Variants in SLC25A26 observed in about 807,000 individuals in gnomAD.
The protein encoded by SLC25A26 is solute carrier family 25 member 26.
A neutral mutation model predicts 37.8 loss-of-function variants in SLC25A26; 36 were observed. That is an observed-to-expected ratio of 0.95 (90% CI 0.73 to 1.26). SLC25A26 has a LOEUF of 1.26. Ranked by LOEUF, SLC25A26 falls within the 50% of genes most tolerant of loss-of-function variation. The pLI, the probability that SLC25A26 is intolerant of heterozygous loss-of-function variation, is 0.00. For missense variants in SLC25A26, 390 were observed against 331.1 expected (o/e 1.18, Z -1.38); for synonymous variants, 129 against 122.5 (o/e 1.05, Z -0.35).
At chr3:66,300,266 T>TTTTG (rs2075039112) in intron 5 of SLC25A26, among the ~76,000 whole-genome samples, 1 of 150,368 alleles carries the variant, frequency 6.7e-6, no homozygotes, top group Non-Finnish European at 1.5e-5. Flanking sequence ...GTTTTTTTTT[T>TTTTG]TTTTTTTGGT....
chr3:66,252,296 C>G (rs1346284073), intron 3 of SLC25A26, among the ~76,000 whole-genome samples: 1 of 152,178 alleles, frequency 6.6e-6, no homozygotes, highest in African/African-American at 2.4e-5. Context: ...AGTTGTATAG[C>G]TAATACTATT....
chr3:66,175,138 TATACACACAC>T (rs1161857528), intron 1 of SLC25A26, among the ~76,000 whole-genome samples: 15 of 64,274 alleles, frequency 2.3e-4, no homozygotes, highest in Non-Finnish European at 3.9e-4. Context: ...TATATATATA[TATACACACAC>T]ACACACACAC....
At chr3:66,143,847 C>G (rs1442856042) in intron 1 of SLC25A26, among the ~76,000 whole-genome samples, 1 of 152,154 alleles carries the variant, frequency 6.6e-6, no homozygotes, top group Non-Finnish European at 1.5e-5. Context: ...TGCCAGTGCA[C>G]TCCAGCCTGG....
At chr3:66,339,574 A>G (rs368577718) in intron 5 of SLC25A26, among the ~76,000 whole-genome samples, 41 of 151,316 alleles carry the variant, frequency 2.7e-4, no homozygotes, top group African/African-American at 9.6e-4. Context: ...TAGCCCTCCT[A>G]AAGGGTGGGA....
intron 1 of SLC25A26, among the ~76,000 whole-genome samples, chr3:66,234,435 C>T (rs1373531860): frequency 1.3e-5 from 2 of 152,172 alleles, no homozygotes; most frequent in Non-Finnish European, 2.9e-5. Flanking sequence ...CTTGGTTTCT[C>T]TACTGGCACA....
chr3:66,318,481 C>A (rs1397719379), intron 5 of SLC25A26, among the ~76,000 whole-genome samples: 1 of 152,008 alleles, frequency 6.6e-6, no homozygotes, highest in Non-Finnish European at 1.5e-5. Flanking sequence ...GCCTGCCTTT[C>A]CTTGCTCTCC....
chr3:66,205,946 GA>G (rs1224521716), intron 1 of SLC25A26, among the ~76,000 whole-genome samples: 2 of 152,146 alleles, frequency 1.3e-5, no homozygotes, highest in Non-Finnish European at 2.9e-5. Flanking sequence ...CAGAAAAAGG[GA>G]AAAAATTGAT....
intron 5 of SLC25A26, among the ~76,000 whole-genome samples, chr3:66,301,773 A>G (rs549341698): frequency 6.6e-6 from 1 of 152,332 alleles, no homozygotes; most frequent in East Asian, 1.9e-4. Flanking sequence ...CTACAGATAC[A>G]AGCATTAGAA....
At chr3:66,329,253 TTC>T (rs1372681430) in intron 5 of SLC25A26, among the ~76,000 whole-genome samples, 1 of 152,216 alleles carries the variant, frequency 6.6e-6, no homozygotes, top group Non-Finnish European at 1.5e-5. Context: ...TAATTTTTAT[TTC>T]TCTCCTCTTG....
At chr3:66,337,374 A>AT (rs2076113717) in intron 5 of SLC25A26, among the ~76,000 whole-genome samples, 1 of 152,142 alleles carries the variant, frequency 6.6e-6, no homozygotes, top group African/African-American at 2.4e-5. Context: ...TGTCCTACAC[A>AT]TTAGAAATGA....
At chr3:66,276,389 A>C (rs926556506) in intron 5 of SLC25A26, among the ~76,000 whole-genome samples, 14 of 152,232 alleles carry the variant, frequency 9.2e-5, no homozygotes, top group Admixed American at 8.5e-4. Flanking sequence ...AGAATTTTTC[A>C]GTAAATCCTA....
Position 66,166,707 on chromosome 3 carries a change from G to A in SLC25A26, c.-354+32723G>A, listed in dbSNP as rs138982990. On this transcript the variant is annotated intron_variant, in intron 1 of 10. Transcript: ENST00000676754. ...AGCACTCCCTTTTCCATTGCTGAGT[G>A]AGTACCCCCAACCCTAATTCCATAT... Among the ~76,000 whole-genome samples, 1,011 of 152,244 alleles carry A rather than the reference G, an allele frequency of 6.6e-3. 10 individuals carry two copies. Among genetic ancestry groups the A allele is most frequent in the African/African-American group, 0.023 (948 of 41,538 alleles).
At chr3:66,169,650 G>C (rs1039233708) in intron 1 of SLC25A26, among the ~76,000 whole-genome samples, 2 of 152,130 alleles carry the variant, frequency 1.3e-5, no homozygotes, top group African/African-American at 4.8e-5. Flanking sequence ...TGTCACCAGT[G>C]CCTAGAAACA....
intron 1 of SLC25A26, among the ~76,000 whole-genome samples, chr3:66,177,385 T>A (rs1409787855): frequency 6.6e-6 from 1 of 151,830 alleles, no homozygotes; most frequent in Non-Finnish European, 1.5e-5. Context: ...AAGAATGGAG[T>A]TTTGCACATA....
intron 5 of SLC25A26, among the ~76,000 whole-genome samples, chr3:66,332,884 C>G (rs916240252): frequency 7.2e-5 from 11 of 152,132 alleles, no homozygotes; most frequent in African/African-American, 2.7e-4. Flanking sequence ...AGATCTTTTT[C>G]AGGTGTTTTT....
intron 2 of SLC25A26, among the ~76,000 whole-genome samples, chr3:66,242,966 T>TG (rs1275086586): frequency 6.6e-6 from 1 of 152,206 alleles, no homozygotes; most frequent in Non-Finnish European, 1.5e-5. Context: ...TTAGCACTTG[T>TG]GCTCCTTCAG....
At chr3:66,307,893 G>C (rs2075271974) in intron 5 of SLC25A26, among the ~76,000 whole-genome samples, 1 of 152,088 alleles carries the variant, frequency 6.6e-6, no homozygotes, top group Admixed American at 6.5e-5. Flanking sequence ...TGCTGTTTAG[G>C]GTTGCTGTAG....
intron 5 of SLC25A26, among the ~76,000 whole-genome samples, chr3:66,320,866 C>A (rs1459940097): frequency 6.6e-6 from 1 of 152,034 alleles, no homozygotes; most frequent in Non-Finnish European, 1.5e-5. Context: ...GTTAAAAGTG[C>A]CCTGAGTTCA....
intron 5 of SLC25A26, among the ~76,000 whole-genome samples, chr3:66,328,998 A>G (rs768816448): frequency 6.6e-6 from 1 of 152,160 alleles, no homozygotes; most frequent in Non-Finnish European, 1.5e-5. Flanking sequence ...TTAGTTATGT[A>G]TTATGACGTA....
Sources: gnomAD v4.1 joint callset for allele counts (sites outside exome capture counted in the v4.1 genomes callset) on GRCh38, gnomAD v4.1.1 for gene constraint, MANE v1.5 for transcripts, NCBI Gene and HGNC (gene_info 2026-07-23, HGNC 2026-07-21) for gene names.